Variants in WWTR1 observed in about 807,000 individuals in gnomAD.
WWTR1 encodes WW domain-containing transcription regulator protein 1.
A neutral mutation model predicts 40.1 loss-of-function variants in WWTR1; 13 were observed. That is an observed-to-expected ratio of 0.32 (90% CI 0.21 to 0.52). The LOEUF is 0.52. Ranked by LOEUF, WWTR1 falls within the 20% of genes least tolerant of loss-of-function variation. The pLI, the probability that WWTR1 is intolerant of heterozygous loss-of-function variation, is 0.97. For synonymous variants in WWTR1, 230 were observed against 210.1 expected, an observed-to-expected ratio of 1.09 and a Z score of -0.82; for missense variants, 436 against 523.1, an observed-to-expected ratio of 0.83 and a Z score of 1.63.
At chr3:149,664,593 T>C (rs1321366180) in intron 2 of WWTR1, among the ~76,000 whole-genome samples, 1 of 151,666 alleles carries the variant, frequency 6.6e-6, no homozygotes, top group African/African-American at 2.4e-5. Context: ...CACTATCTTT[T>C]TTTTTTTTTT....
intron 2 of WWTR1, among the ~76,000 whole-genome samples, chr3:149,589,227 G>C (rs73868029): frequency 0.017 from 2,531 of 152,270 alleles, 41 homozygotes; most frequent in East Asian, 0.04. Flanking sequence ...GCCTAATCCA[G>C]AAGGGAGCGG....
At chr3:149,677,737 G>A (rs1714316723) in intron 1 of WWTR1, among the ~76,000 whole-genome samples, 1 of 152,148 alleles carries the variant, frequency 6.6e-6, no homozygotes, top group Admixed American at 6.5e-5. Flanking sequence ...TTACTCGGGA[G>A]GCTGAGGCAG....
chr3:149,602,436 C>A lies in WWTR1; in HGVS notation c.432-29436G>T, dbSNP rs116729972. Among the ~76,000 whole-genome samples the A allele has an allele frequency of 4.1e-3, 631 of 152,306 alleles. 7 individuals are homozygous for A. Among genetic ancestry groups the A allele is most frequent in the African/African-American group, 0.014 (585 of 41,560 alleles). On this transcript the variant is annotated intron_variant, in intron 2 of 6. Transcript: ENST00000360632. ...AGCAGCGTTCTTTTCACTCTGGACC[C>A]TGAGCAACCCTGAAATTCCAGCAGT...
intron 1 of WWTR1, among the ~76,000 whole-genome samples, chr3:149,674,377 C>T (rs1354515473): frequency 1.3e-5 from 2 of 151,022 alleles, no homozygotes; most frequent in Non-Finnish European, 3.0e-5. Context: ...TCACGAGGTC[C>T]GGAGTTCGAG....
chr3:149,614,970 C>A (rs949242706), intron 2 of WWTR1, among the ~76,000 whole-genome samples: 2 of 150,256 alleles, frequency 1.3e-5, no homozygotes. Flanking sequence ...GAGACAAGAG[C>A]AAAACTCTGT....
At chr3:149,583,525 G>A (rs1278352546) in intron 2 of WWTR1, among the ~76,000 whole-genome samples, 1 of 152,152 alleles carries the variant, frequency 6.6e-6, no homozygotes, top group African/African-American at 2.4e-5. Context: ...TTTGGCAAAT[G>A]TGGAGTGTGG....
intron 2 of WWTR1, among the ~76,000 whole-genome samples, chr3:149,668,539 C>T (rs1467192108): frequency 6.9e-6 from 1 of 145,934 alleles, no homozygotes; most frequent in African/African-American, 2.5e-5. Context: ...GCCTGGGAGG[C>T]AGTGGTTGCA....
At chr3:149,612,470 T>C (rs931153733) in intron 2 of WWTR1, among the ~76,000 whole-genome samples, 3 of 152,280 alleles carry the variant, frequency 2.0e-5, no homozygotes, top group East Asian at 3.9e-4. Context: ...GAGAAAGGTA[T>C]CATTTGTAAT....
intron 3 of WWTR1, among the ~76,000 whole-genome samples, chr3:149,548,143 C>A (rs1401811397): frequency 6.6e-6 from 1 of 152,120 alleles, no homozygotes; most frequent in Non-Finnish European, 1.5e-5. Flanking sequence ...TTCTACAAAG[C>A]TCTAAGTGTA....
intron 4 of WWTR1, among the ~76,000 whole-genome samples, chr3:149,537,394 G>A (rs2107927948): frequency 6.6e-6 from 1 of 152,234 alleles, no homozygotes; most frequent in Non-Finnish European, 1.5e-5. Flanking sequence ...AAAAAACAAA[G>A]TAGACACATT....
chr3:149,592,836 T>G (rs1030326977), intron 2 of WWTR1, among the ~76,000 whole-genome samples: 2 of 152,128 alleles, frequency 1.3e-5, no homozygotes, highest in Non-Finnish European at 2.9e-5. Context: ...GTGGCTCCTC[T>G]CCATCCCTTT....
chr3:149,549,707 C>T (rs1159922736), intron 3 of WWTR1, among the ~76,000 whole-genome samples: 17 of 152,050 alleles, frequency 1.1e-4, no homozygotes, highest in Admixed American at 1.1e-3. Context: ...GGCATGGTGG[C>T]ATGCATTCGT....
At chr3:149,586,239 C>A (rs182717923) in intron 2 of WWTR1, among the ~76,000 whole-genome samples, 27 of 151,676 alleles carry the variant, frequency 1.8e-4, no homozygotes, top group African/African-American at 6.1e-4. Context: ...ATATACGGCA[C>A]GGCCATCTAC....
chr3:149,575,992 G>A (rs1461964753), intron 2 of WWTR1: 9 of 456,626 alleles, frequency 2.0e-5, no homozygotes, highest in Non-Finnish European at 4.0e-5. Flanking sequence ...ATTTAAAGGA[G>A]TTTTGTTCCC....
At chr3:149,664,348 T>C (rs1392595426) in intron 2 of WWTR1, among the ~76,000 whole-genome samples, 1 of 152,226 alleles carries the variant, frequency 6.6e-6, no homozygotes, top group African/African-American at 2.4e-5. Flanking sequence ...AGTTGACCAG[T>C]TCCTTGACAA....
chr3:149,563,915 C>T (rs1737195442), intron 3 of WWTR1, among the ~76,000 whole-genome samples: 1 of 152,160 alleles, frequency 6.6e-6, no homozygotes, highest in African/African-American at 2.4e-5. Flanking sequence ...CCACACCTGG[C>T]TAATTTTTTT....
chr3:149,545,755 G>C lies in WWTR1; in HGVS notation c.569-3218C>G, dbSNP rs56105183. Among the ~76,000 whole-genome samples, 4 of 152,250 alleles carry C rather than the reference G, an allele frequency of 2.6e-5. No individual in the cohort carries two copies. The South Asian group carries it at 8.3e-4, about 32-fold the overall frequency. Reference sequence around the variant, plus strand: ...AGGCTGGTCTCCAACTCCTGGCCTCGAGTGATCCACCTGCCTCAGCCTCCC... The same window carrying C: ...AGGCTGGTCTCCAACTCCTGGCCTCCAGTGATCCACCTGCCTCAGCCTCCC... On this transcript the variant is annotated intron_variant, in intron 3 of 6. Coordinates refer to ENST00000360632, the MANE Select transcript of WWTR1 (RefSeq NM_015472.6).
At chr3:149,661,955 ACTC>A (rs1247054040), upstream of WWTR1, among the ~76,000 whole-genome samples, 1 of 146,400 alleles carries the variant, frequency 6.8e-6, no homozygotes, top group Non-Finnish European at 1.5e-5. Context: ...CTGGTCTTGA[ACTC>A]CTGACCTTGT....
intron 4 of WWTR1, among the ~76,000 whole-genome samples, chr3:149,533,726 A>G (rs951989071): frequency 3.0e-4 from 46 of 152,220 alleles, no homozygotes; most frequent in African/African-American, 1.1e-3. Flanking sequence ...ATCTTGAACT[A>G]AATTCTTAAC....
Sources: gnomAD v4.1 joint callset for allele counts (sites outside exome capture counted in the v4.1 genomes callset) on GRCh38, gnomAD v4.1.1 for gene constraint, MANE v1.5 for transcripts, NCBI Gene and HGNC (gene_info 2026-07-23, HGNC 2026-07-21) for gene names.